TENM3: variants seen among roughly 807,000 people sequenced by gnomAD.
TENM3 encodes teneurin transmembrane protein 3, also known as teneurin-3.
In TENM3, 63 loss-of-function variants were observed where a neutral mutation model predicts 255.1. The ratio of observed to expected loss-of-function variants is 0.25; its 90% CI spans 0.20 to 0.30. TENM3 has a LOEUF of 0.30. Ranked by LOEUF, TENM3 falls within the 10% of genes least tolerant of loss-of-function variation. The probability of loss-of-function intolerance (pLI) is 1.00; values close to 1 mark genes in which losing one functional copy is unlikely to be tolerated. For missense variants in TENM3, 2,929 were observed against 3,461.1 expected, an observed-to-expected ratio of 0.85 and a Z score of 3.86; for synonymous variants, 1,306 against 1,322.3, an observed-to-expected ratio of 0.99 and a Z score of 0.27.
At chr4:182,297,015 A>G (rs1761537749) in intron 1 of TENM3, among the ~76,000 whole-genome samples, 1 of 152,250 alleles carries the variant, frequency 6.6e-6, no homozygotes, top group Non-Finnish European at 1.5e-5. Context: ...TTCGCATCTT[A>G]CACCATATTT....
intron 16 of TENM3, among the ~76,000 whole-genome samples, chr4:182,734,746 A>G (rs775181802): frequency 2.0e-5 from 3 of 152,236 alleles, no homozygotes; most frequent in African/African-American, 4.8e-5. Flanking sequence ...CTACTAATGC[A>G]AAATAACATG....
intron 3 of TENM3, among the ~76,000 whole-genome samples, chr4:182,365,772 G>T (rs527571374): frequency 7.2e-5 from 11 of 152,140 alleles, no homozygotes; most frequent in Non-Finnish European, 1.5e-4. Context: ...GAAATGCATC[G>T]TTGGACAATT....
chr4:182,740,623 C>T (rs146168814), intron 18 of TENM3, among the ~76,000 whole-genome samples: 16 of 152,162 alleles, frequency 1.1e-4, no homozygotes, highest in Non-Finnish European at 1.9e-4. Context: ...CAAGAGATTA[C>T]GAATCAATAG....
intron 3 of TENM3, among the ~76,000 whole-genome samples, chr4:182,354,645 G>A (rs565406476): frequency 3.9e-5 from 6 of 152,168 alleles, no homozygotes; most frequent in East Asian, 3.9e-4. Context: ...TTTACTGAAT[G>A]GTTTGAATAC....
chr4:181,607,622 C>G, the TENM3 span, among the ~76,000 whole-genome samples: 4 of 151,984 alleles, frequency 2.6e-5, no homozygotes, highest in Non-Finnish European at 4.4e-5. Context: ...CCAGGATGGT[C>G]TCGATCTCCT....
chr4:182,591,351 C>G (rs1746630091), intron 3 of TENM3, among the ~76,000 whole-genome samples: 1 of 152,088 alleles, frequency 6.6e-6, no homozygotes, highest in African/African-American at 2.4e-5. Flanking sequence ...TCTCACTAAC[C>G]CAGTAAGTAC....
chr4:182,543,258 G>A (rs995318608), intron 3 of TENM3, among the ~76,000 whole-genome samples: 1 of 152,116 alleles, frequency 6.6e-6, no homozygotes, highest in African/African-American at 2.4e-5. Context: ...AGGGAGGAAG[G>A]GAAGTGTCTC....
At chr4:181,746,244 A>G in the TENM3 span, among the ~76,000 whole-genome samples, 94 of 152,160 alleles carry the variant, frequency 6.2e-4, 1 homozygote, top group Non-Finnish European at 1.9e-4. Context: ...CTAGACTGCA[A>G]CCATGTTAGT....
At chr4:182,244,863 A>T (rs1757540143) in intron 1 of TENM3, among the ~76,000 whole-genome samples, 1 of 152,228 alleles carries the variant, frequency 6.6e-6, no homozygotes, top group South Asian at 2.1e-4. Flanking sequence ...AATCATGTTG[A>T]ACTTTATTAG....
chr4:182,167,106 G>A (rs1428946255), intron 1 of TENM3, among the ~76,000 whole-genome samples: 4 of 152,174 alleles, frequency 2.6e-5, no homozygotes, highest in Admixed American at 6.5e-5. Context: ...CAGTATTTAT[G>A]TAAAACCACT....
chr4:182,107,574 G>T, the TENM3 span, among the ~76,000 whole-genome samples: 25 of 152,332 alleles, frequency 1.6e-4, no homozygotes, highest in Middle Eastern at 0.01. Flanking sequence ...CCTGCTAGTG[G>T]CATTGCCCTC....
At chr4:182,360,805 T>C (rs190666851) in intron 3 of TENM3, among the ~76,000 whole-genome samples, 3 of 152,326 alleles carry the variant, frequency 2.0e-5, no homozygotes, top group Non-Finnish European at 4.4e-5. Context: ...TGATGCAGTT[T>C]CATCCTAGTC....
At chr4:181,893,021 TGTGA>T in the TENM3 span, among the ~76,000 whole-genome samples, 2 of 152,178 alleles carry the variant, frequency 1.3e-5, no homozygotes, top group Non-Finnish European at 2.9e-5. Context: ...CTAATCCCTG[TGTGA>T]GTATCAGAGG....
the TENM3 span, among the ~76,000 whole-genome samples, chr4:181,729,674 A>AG: frequency 6.6e-6 from 1 of 152,208 alleles, no homozygotes; most frequent in African/African-American, 2.4e-5. Context: ...CTAGGCTGCC[A>AG]GGGTGGCTCT....
At chr4:181,456,167 G>GTGTATATATGTATATATGTATA in the TENM3 span, among the ~76,000 whole-genome samples, 5 of 146,466 alleles carry the variant, frequency 3.4e-5, no homozygotes, top group African/African-American at 1.0e-4. Flanking sequence ...GTACACATGT[G>GTGTATATATGTATATATGTATA]TGTGTATATA....
intron 1 of TENM3, among the ~76,000 whole-genome samples, chr4:182,173,024 T>C (rs1248926717): frequency 6.6e-6 from 1 of 152,188 alleles, no homozygotes; most frequent in Admixed American, 6.6e-5. Context: ...AAGAATCCCA[T>C]GAAGATTACT....
the TENM3 span, among the ~76,000 whole-genome samples, chr4:181,867,691 T>C: frequency 1.3e-5 from 2 of 152,200 alleles, no homozygotes; most frequent in African/African-American, 4.8e-5. Flanking sequence ...TAACATGTAC[T>C]GTTATGATAA....
intron 1 of TENM3, among the ~76,000 whole-genome samples, chr4:182,264,758 T>G (rs1012004317): frequency 2.0e-5 from 3 of 152,210 alleles, no homozygotes; most frequent in Non-Finnish European, 2.9e-5. Flanking sequence ...CTAAAAATAT[T>G]GGCCACTTGG....
intron 3 of TENM3, among the ~76,000 whole-genome samples, chr4:182,386,668 C>T (rs1046694377): frequency 6.6e-6 from 1 of 152,196 alleles, no homozygotes; most frequent in African/African-American, 2.4e-5. Flanking sequence ...GCCGGCCGGC[C>T]GGGGCAGTGA....
Sources: gnomAD v4.1 joint callset for allele counts (sites outside exome capture counted in the v4.1 genomes callset) on GRCh38, gnomAD v4.1.1 for gene constraint, MANE v1.5 for transcripts, NCBI Gene and HGNC (gene_info 2026-07-23, HGNC 2026-07-21) for gene names.